The following CAMK2A variants were observed in gnomAD, a reference collection of about 807,000 sequenced individuals.
CAMK2A encodes the protein calcium/calmodulin-dependent protein kinase type II subunit alpha.
In CAMK2A, 7 loss-of-function variants were observed where a neutral mutation model predicts 79.2. The observed-to-expected ratio is 0.09, with a 90% CI of 0.05 to 0.17. The LOEUF is 0.17. Ranked by LOEUF, CAMK2A falls within the 10% of genes least tolerant of loss-of-function variation. The probability of loss-of-function intolerance (pLI) is 1.00; values close to 1 mark genes in which losing one functional copy is unlikely to be tolerated. For missense variants in CAMK2A, 214 were observed against 646.4 expected, an observed-to-expected ratio of 0.33 and a Z score of 7.25; for synonymous variants, 242 against 251.7, an observed-to-expected ratio of 0.96 and a Z score of 0.36.
At chr5:150,288,706 A>G (rs142895937) in intron 1 of CAMK2A, among the ~76,000 whole-genome samples, 2 of 152,092 alleles carry the variant, frequency 1.3e-5, no homozygotes, top group African/African-American at 4.8e-5. Context: ...CCCTTGACCC[A>G]TCCCAGGATC....
intron 1 of CAMK2A, among the ~76,000 whole-genome samples, chr5:150,279,500 A>G (rs1205415374): frequency 6.6e-6 from 1 of 152,242 alleles, no homozygotes; most frequent in African/African-American, 2.4e-5. Flanking sequence ...AGTTTGGCAG[A>G]GTCCCTGGGG....
intron 2 of CAMK2A, among the ~76,000 whole-genome samples, chr5:150,270,034 C>G (rs889704965): frequency 2.0e-5 from 3 of 152,352 alleles, no homozygotes; most frequent in Non-Finnish European, 4.4e-5. Flanking sequence ...GGCCAGTCAC[C>G]TCTAGCTGCA....
rs984837122 is a variant in CAMK2A at position 150,223,404 on chromosome 5, C to T, written c.1238-187G>A. Among the ~76,000 whole-genome samples, 5 of 152,168 alleles carry T rather than the reference C, an allele frequency of 3.3e-5. No homozygotes were observed. Among genetic ancestry groups the T allele is most frequent in the Non-Finnish European group, 7.4e-5 (5 of 68,024 alleles). On this transcript the variant is annotated intron_variant, in intron 17 of 18. Coordinates refer to ENST00000671881, the MANE Select transcript of CAMK2A (RefSeq NM_015981.4). This position sits in a 1 kb window ranked among gnomAD's most constrained non-coding sequence, Gnocchi z 4.1. The stretch of plus-strand genomic sequence containing the variant: ...AGGTAGAACTTCTAGATGATGGGGA[C>T]ATCACATCCTAGTTTAGATACAGTG...
rs1192507814 is a variant in CAMK2A at position 150,289,650 on chromosome 5, G to A, written c.-25C>T. ...TCCTGGCGCTGGGCAGGCAGGTGAG[G>A]CTTGGGACTGGGGGACCAGGACTGA... On this transcript the variant is annotated 5_prime_UTR_variant, in exon 1 of 19. Coordinates refer to ENST00000671881, the MANE Select transcript of CAMK2A (RefSeq NM_015981.4). 3 of 1,605,274 alleles carry A rather than the reference G, an allele frequency of 1.9e-6. No individual in the cohort carries two copies. The highest frequency in any genetic ancestry group is 3.3e-5 in the Admixed American group (2 of 59,988).
chr5:150,244,621 G>A (rs560687664), intron 13 of CAMK2A, among the ~76,000 whole-genome samples: 5 of 152,288 alleles, frequency 3.3e-5, no homozygotes, highest in Admixed American at 2.0e-4. Context: ...CCTTGGAGCC[G>A]GGAGGGGATT....
chr5:150,221,110 A>C lies in CAMK2A; in HGVS notation c.*1600T>G. The C allele has an allele frequency of 4.9e-6, 1 of 205,192 alleles. No individual in the cohort carries two copies. The highest frequency in any genetic ancestry group is 9.7e-6 in the Non-Finnish European group (1 of 103,198). The allele number at this position is 205,192 out of a possible 1,614,324, so 12.7% of individuals were successfully genotyped here. A position where few individuals can be genotyped will look rare whatever the true frequency, so the allele number is the denominator to read the frequency against. On this transcript the variant is annotated 3_prime_UTR_variant, in exon 19 of 19. Transcript: ENST00000671881. ...CATAATTCCGAGTCGGACACTGAGA[A>C]TACAACCTCTATTTTTTTTTTTAGT...
chr5:150,268,050 T>A (rs760863116), intron 2 of CAMK2A, among the ~76,000 whole-genome samples: 6 of 152,068 alleles, frequency 3.9e-5, no homozygotes, highest in Non-Finnish European at 8.8e-5. Flanking sequence ...ATATTTTGTA[T>A]TTTTAGTAGA....
intron 15 of CAMK2A, among the ~76,000 whole-genome samples, chr5:150,234,170 C>T (rs1039049784): frequency 2.6e-5 from 4 of 152,138 alleles, no homozygotes; most frequent in African/African-American, 9.7e-5. Flanking sequence ...CAGAGCAAAC[C>T]CACGTGCTCC....
rs59633008 is a variant in CAMK2A, at chr5:150,221,319, C to T, written c.*1391G>A. On this transcript the variant is annotated 3_prime_UTR_variant, in exon 19 of 19. Transcript: ENST00000671881. ...GAAAGAGGAAAAGAAAGAGAGAATGCGAACCCGAGGCTGCAGGATGAGGCA... is the reference window on the plus strand; with the variant it reads ...GAAAGAGGAAAAGAAAGAGAGAATGTGAACCCGAGGCTGCAGGATGAGGCA... The T allele has an allele frequency of 4.4e-3, 1,740 of 397,404 alleles. 58 individuals carry two copies. In the East Asian group the frequency reaches 0.057, roughly 13 times the overall value. The allele number at this position is 397,404 out of a possible 1,614,324, so 24.6% of individuals were successfully genotyped here. A position where few individuals can be genotyped will look rare whatever the true frequency, so the allele number is the denominator to read the frequency against.
chr5:150,235,616 A>G (rs547276163), intron 15 of CAMK2A, among the ~76,000 whole-genome samples: 1 of 152,158 alleles, frequency 6.6e-6, no homozygotes, highest in South Asian at 2.1e-4. Context: ...ATCAGGAGGG[A>G]TGGGGGAGTG....
rs551245232 is a variant in CAMK2A, at chr5:150,222,526, G to A, written c.*184C>T. Reference sequence around the variant, plus strand: ...GAGAGGTGGGGAGATGTGGCCGTTCGCTCTGAAGTTGCGATGACTTTTGTG... The same window carrying A: ...GAGAGGTGGGGAGATGTGGCCGTTCACTCTGAAGTTGCGATGACTTTTGTG... On this transcript the variant is annotated 3_prime_UTR_variant, in exon 19 of 19. Coordinates refer to ENST00000671881, the MANE Select transcript of CAMK2A (RefSeq NM_015981.4). The A allele has an allele frequency of 5.8e-5, 42 of 730,130 alleles. No homozygotes were observed. The highest frequency in any genetic ancestry group is 1.9e-4 in the East Asian group (7 of 37,526). 45.2% of individuals were successfully genotyped at this position (730,130 alleles called of 1,614,324 possible). A position where few individuals can be genotyped will look rare whatever the true frequency, so the allele number is the denominator to read the frequency against.
At chr5:150,224,170 T>C (rs528271784) in intron 17 of CAMK2A, among the ~76,000 whole-genome samples, 99 of 152,104 alleles carry the variant, frequency 6.5e-4, no homozygotes, top group African/African-American at 2.3e-3. Flanking sequence ...ACTATTATTA[T>C]ATTAATTCTA....
intron 1 of CAMK2A, among the ~76,000 whole-genome samples, chr5:150,287,516 G>C (rs1430171782): frequency 1.3e-5 from 2 of 152,210 alleles, no homozygotes; most frequent in Non-Finnish European, 1.5e-5. Context: ...GCTCACGAAG[G>C]GTCTCTCTAC....
intron 1 of CAMK2A, among the ~76,000 whole-genome samples, chr5:150,274,961 T>C (rs1227199396): frequency 6.6e-6 from 1 of 152,256 alleles, no homozygotes; most frequent in Non-Finnish European, 1.5e-5. Context: ...AGGAGGATGC[T>C]GGCAGGCACC....
Position 150,231,292 on chromosome 5 carries a change from C to T in CAMK2A, c.1142+13G>A. ...TCCAGGCAGGACATGCAGAATGAGC[C>T]CAGCTGACTCACGTGTAGGACTCAA... is the stretch of plus-strand genomic sequence containing the variant. On this transcript the variant is annotated intron_variant, in intron 16 of 18. Coordinates refer to ENST00000671881, the MANE Select transcript of CAMK2A (RefSeq NM_015981.4). 1.3e-6 allele frequency: 2 copies of T among 1,540,164 alleles called. No homozygotes were observed. The highest frequency in any genetic ancestry group is 1.2e-5 in the South Asian group (1 of 81,994).
At chr5:150,278,378 TA>T (rs112222078) in intron 1 of CAMK2A, among the ~76,000 whole-genome samples, 10,516 of 132,790 alleles carry the variant, frequency 0.079, 371 homozygotes, top group Middle Eastern at 0.17. Flanking sequence ...ATCTTCTGTT[TA>T]AAAAAAAAAA....
chr5:150,245,074 C>G (rs1375226886), intron 13 of CAMK2A, 87 bp downstream of exon 13: 21 of 1,344,316 alleles, frequency 1.6e-5, no homozygotes, highest in Non-Finnish European at 2.1e-5. Context: ...CAGCAAGGCC[C>G]GGGTCTTGCT....
chr5:150,248,163 G>T (rs552461757), intron 11 of CAMK2A, among the ~76,000 whole-genome samples: 76 of 152,186 alleles, frequency 5.0e-4, no homozygotes, highest in Non-Finnish European at 8.2e-4. Context: ...TCTTGCTTGG[G>T]CAACAACAGC....
chr5:150,226,230 C>T (rs935233394), intron 17 of CAMK2A, among the ~76,000 whole-genome samples: 3 of 152,102 alleles, frequency 2.0e-5, no homozygotes, highest in Admixed American at 2.0e-4. Context: ...TGTGCAGATA[C>T]AGCAGGTGCT....
Sources: allele counts gnomAD v4.1 joint callset (sites outside exome capture counted in the v4.1 genomes callset), GRCh38; gene constraint gnomAD v4.1.1; non-coding constraint Gnocchi (gnomAD v3.1); transcripts MANE v1.5; gene names NCBI Gene and HGNC (gene_info 2026-07-23, HGNC 2026-07-21).